Variants in DOCK9 observed in about 807,000 individuals in gnomAD.
DOCK9 encodes dedicator of cytokinesis protein 9.
DOCK9 carries 89 observed loss-of-function variants against 263.3 expected under a neutral mutation model. That is an observed-to-expected ratio of 0.34 (90% confidence interval 0.28 to 0.40). DOCK9 has a LOEUF of 0.40. DOCK9 is among the 10% of genes least tolerant of loss of function. The pLI, the probability that DOCK9 is intolerant of heterozygous loss-of-function variation, is 1.00. For synonymous variants in DOCK9, 976 were observed against 973.1 expected, an observed-to-expected ratio of 1.00 and a Z score of -0.06; for missense variants, 2,140 against 2,603.4, an observed-to-expected ratio of 0.82 and a Z score of 3.87.
At chr13:98,957,527 G>A (rs2058188918) in intron 1 of DOCK9, among the ~76,000 whole-genome samples, 1 of 149,206 alleles carries the variant, frequency 6.7e-6, no homozygotes, top group African/African-American at 2.5e-5. Context: ...TAAAGTGTTG[G>A]TAACAGTAAA....
chr13:98,867,583 T>C, intron 29 of DOCK9, 47 bp from the exon 30 acceptor site: 1 of 1,212,810 alleles, frequency 8.2e-7, no homozygotes, highest in Admixed American at 2.0e-5. Context: ...GGATATTTTA[T>C]ACAGGATTCT....
At chr13:98,826,063 G>T in intron 44 of DOCK9, 1 of 679,468 alleles carries the variant, frequency 1.5e-6, no homozygotes, top group Non-Finnish European at 2.2e-6. Flanking sequence ...ATTCCAAATA[G>T]CCAGCTGCAC....
At chr13:99,028,586 TCTC>T (rs1396942053) in intron 1 of DOCK9, among the ~76,000 whole-genome samples, 1 of 152,194 alleles carries the variant, frequency 6.6e-6, no homozygotes, top group Non-Finnish European at 1.5e-5. Context: ...ACAAATTTCT[TCTC>T]CTTCTTCTTG....
intron 1 of DOCK9, among the ~76,000 whole-genome samples, chr13:99,003,498 C>G (rs1882764799): frequency 6.6e-6 from 1 of 152,168 alleles, no homozygotes; most frequent in Admixed American, 6.5e-5. Context: ...TAGTCGCATC[C>G]CACTGGTTTA....
intron 1 of DOCK9, among the ~76,000 whole-genome samples, chr13:98,989,313 AATAATG>A (rs1322800009): frequency 1.8e-5 from 2 of 111,006 alleles, no homozygotes; most frequent in African/African-American, 3.2e-5. Context: ...GAAAATTAAT[AATAATG>A]ATGATGATGA....
At position 98,797,569 on chromosome 13, in the gene DOCK9, C is replaced by T. The variant is rs190567982; in HGVS notation, c.5917-80G>A. On this transcript the variant is annotated intron_variant, in intron 50 of 52. Coordinates refer to ENST00000682017, the MANE Select transcript of DOCK9 (RefSeq NM_001366683.2). ...TCTGCTCAGTTTCAGTTTGCAGGCA[C>T]TAAAAAGCCCGTTCGCGTGAGCTAC... is the stretch of plus-strand genomic sequence containing the variant. The T allele has an allele frequency of 4.6e-4, 584 of 1,279,008 alleles. 2 individuals carry two copies. The African/African-American group carries it at 8.0e-3, about 18-fold the overall frequency. 79.2% of individuals were successfully genotyped at this position (1,279,008 alleles called of 1,614,324 possible).
In DOCK9 at chr13:98,801,056, A is replaced by T. The variant is rs1354966515; in HGVS notation, c.5726-578T>A. On this transcript the variant is annotated intron_variant, in intron 49 of 52. Transcript: ENST00000682017. Reference sequence around the variant, plus strand: ...CACTTTGGGAGGCCAAGGCTGGTAGATCACTTGAGCCCAGGAGTTTAAGAC... The same window carrying T: ...CACTTTGGGAGGCCAAGGCTGGTAGTTCACTTGAGCCCAGGAGTTTAAGAC... Among the ~76,000 whole-genome samples the T allele has an allele frequency of 2.0e-5, 3 of 152,222 alleles. No individual in the cohort carries two copies. In the East Asian group the frequency reaches 5.8e-4, roughly 29 times the overall value.
intron 46 of DOCK9, 119 bp from the exon 47 acceptor site, chr13:98,809,584 C>T (rs1594210914): frequency 2.5e-6 from 2 of 789,944 alleles, no homozygotes; most frequent in South Asian, 1.9e-5. Context: ...TACACACACA[C>T]ACATTTTGGC....
intron 27 of DOCK9, among the ~76,000 whole-genome samples, chr13:98,872,485 T>C (rs1191917497): frequency 6.6e-6 from 1 of 152,112 alleles, no homozygotes; most frequent in African/African-American, 2.4e-5. Context: ...CAGCTCACTG[T>C]AGCCTCATCC....
chr13:98,852,804 T>C (rs940104376), intron 35 of DOCK9, among the ~76,000 whole-genome samples: 6 of 152,244 alleles, frequency 3.9e-5, no homozygotes, highest in Admixed American at 6.5e-5. Context: ...GCAAGCCTTA[T>C]ACGGTCCAGA....
At chr13:98,968,601 C>T (rs1163891445) in intron 1 of DOCK9, among the ~76,000 whole-genome samples, 1 of 152,120 alleles carries the variant, frequency 6.6e-6, no homozygotes, top group East Asian at 1.9e-4. Flanking sequence ...GCCTGGGTGA[C>T]AGAGCAAGAC....
rs545100444 is a variant in DOCK9 at position 98,825,266 on chromosome 13, T to C, written c.5024-762A>G. Among the ~76,000 whole-genome samples, 1 of 152,342 alleles carries C rather than the reference T, an allele frequency of 6.6e-6. No individual in the cohort carries two copies. Among genetic ancestry groups the C allele is most frequent in the South Asian group, 2.1e-4 (1 of 4,824 alleles). On this transcript the variant is annotated intron_variant, in intron 44 of 52. Transcript: ENST00000682017. This position sits in a 1 kb window ranked among gnomAD's most constrained non-coding sequence, Gnocchi z 4.1. Reference sequence around the variant, plus strand: ...TAAGTCAGTTGGACCACGTCAGCTATGCAAAATGATCAAGTGAAGAAGGGC... The same window carrying C: ...TAAGTCAGTTGGACCACGTCAGCTACGCAAAATGATCAAGTGAAGAAGGGC...
At chr13:98,799,185 A>G (rs1395997020) in intron 50 of DOCK9, among the ~76,000 whole-genome samples, 3 of 152,244 alleles carry the variant, frequency 2.0e-5, no homozygotes, top group African/African-American at 7.2e-5. Context: ...GTTGGGCAAC[A>G]ACTCACGGTT....
intron 1 of DOCK9, among the ~76,000 whole-genome samples, chr13:99,007,945 G>A (rs1357191766): frequency 6.6e-6 from 1 of 152,020 alleles, no homozygotes; most frequent in East Asian, 1.9e-4. Context: ...CCTTTAACAA[G>A]TAAATATATT....
At chr13:98,850,989 T>C (rs139047791) in intron 35 of DOCK9, among the ~76,000 whole-genome samples, 83 of 152,322 alleles carry the variant, frequency 5.4e-4, no homozygotes, top group African/African-American at 1.8e-3. Flanking sequence ...ATGGGGATGC[T>C]GATGGCTCAT....
In DOCK9 at chr13:98,880,529, C is replaced by T. The variant is rs2044575702; in HGVS notation, c.2871+18G>A. 2 of 1,613,556 alleles carry T rather than the reference C, an allele frequency of 1.2e-6. No homozygotes were observed. Among genetic ancestry groups the T allele is most frequent in the African/African-American group, 2.7e-5 (2 of 74,890 alleles). ...TTAATCAGTTTCAATCAGAGCCACACTGACTCTCCTGACATACCTTCAGTA... is the reference window on the plus strand; with the variant it reads ...TTAATCAGTTTCAATCAGAGCCACATTGACTCTCCTGACATACCTTCAGTA... On this transcript the variant is annotated intron_variant, in intron 26 of 52. Transcript: ENST00000682017.
chr13:98,864,093 T>A (rs78875304), intron 30 of DOCK9, among the ~76,000 whole-genome samples: 1 of 152,180 alleles, frequency 6.6e-6, no homozygotes, highest in Non-Finnish European at 1.5e-5. Flanking sequence ...CAAATTAATA[T>A]ATAACCTACT....
chr13:99,045,850 T>C (rs1203114466), intron 1 of DOCK9, among the ~76,000 whole-genome samples: 1 of 151,630 alleles, frequency 6.6e-6, no homozygotes, highest in Admixed American at 6.6e-5. Context: ...CCCAGCACTT[T>C]GAGAGGCTGA....
rs1178633631 is a variant in DOCK9, at chr13:98,935,830, G to A, written c.244-5573C>T. On this transcript the variant is annotated intron_variant, in intron 2 of 52. Transcript: ENST00000682017. Reference sequence around the variant, plus strand: ...GAACCCATTAGGCTGGACCCATGGGGGAGGGGAGGACTACCAGGCTTGGCA... The same window carrying A: ...GAACCCATTAGGCTGGACCCATGGGAGAGGGGAGGACTACCAGGCTTGGCA... Among the ~76,000 whole-genome samples, 3 of 152,090 alleles carry A rather than the reference G, an allele frequency of 2.0e-5. No homozygotes were observed. The East Asian group carries it at 5.8e-4, about 29-fold the overall frequency.
Sources: gnomAD v4.1 joint callset for allele counts (sites outside exome capture counted in the v4.1 genomes callset) on GRCh38, gnomAD v4.1.1 for gene constraint, Gnocchi (gnomAD v3.1) non-coding constraint, MANE v1.5 for transcripts, NCBI Gene and HGNC (gene_info 2026-07-23, HGNC 2026-07-21) for gene names.